Variants in NFIA observed in about 807,000 individuals in gnomAD.
The protein encoded by NFIA is nuclear factor 1 A-type.
Under a neutral mutation model 62.8 loss-of-function variants are expected in NFIA, and 8 were observed. The observed-to-expected ratio is 0.13, with a 90% CI of 0.07 to 0.23. The LOEUF (loss-of-function observed/expected upper bound fraction) is 0.23, where lower values mean the gene tolerates loss of function less well. Ranked by LOEUF, NFIA falls within the 10% of genes least tolerant of loss-of-function variation. The pLI is 1.00. For missense variants in NFIA, 410 were observed against 642.1 expected (o/e 0.64, Z 3.91); for synonymous variants, 235 against 238.1 (o/e 0.99, Z 0.12).
chr1:61,300,752 G>A (rs902632206), intron 3 of NFIA, among the ~76,000 whole-genome samples: 3 of 151,832 alleles, frequency 2.0e-5, no homozygotes, highest in Admixed American at 2.0e-4. Flanking sequence ...AGCTCGATAT[G>A]TATGTATGTG....
intron 2 of NFIA, among the ~76,000 whole-genome samples, chr1:61,089,918 C>T (rs1461844977): frequency 1.3e-5 from 2 of 152,112 alleles, no homozygotes; most frequent in Non-Finnish European, 2.9e-5. Context: ...AAGCATGTCA[C>T]ATCATCATTT....
intron 7 of NFIA, among the ~76,000 whole-genome samples, chr1:61,399,764 C>T (rs1160870299): frequency 6.6e-6 from 1 of 152,144 alleles, no homozygotes; most frequent in African/African-American, 2.4e-5. Context: ...TCATATGGCC[C>T]ACGCTTAGAT....
chr1:61,159,166 C>A (rs1421248903), intron 2 of NFIA, among the ~76,000 whole-genome samples: 1 of 151,738 alleles, frequency 6.6e-6, no homozygotes, highest in Non-Finnish European at 1.5e-5. Flanking sequence ...GTAATTTAAC[C>A]TAGTTTAATA....
At chr1:61,158,208 C>G (rs1290552355) in intron 2 of NFIA, among the ~76,000 whole-genome samples, 1 of 152,156 alleles carries the variant, frequency 6.6e-6, no homozygotes, top group Non-Finnish European at 1.5e-5. Context: ...TTCTGTTAAT[C>G]ACTTGATCAG....
intron 10 of NFIA, among the ~76,000 whole-genome samples, chr1:61,442,566 T>TAA (rs376261777): frequency 7.1e-6 from 1 of 140,502 alleles, no homozygotes. Flanking sequence ...CAGAGTTGCT[T>TAA]AAAAAAAAAA....
chr1:61,425,232 A>T (rs113589516), intron 9 of NFIA, among the ~76,000 whole-genome samples: 9 of 152,170 alleles, frequency 5.9e-5, no homozygotes, highest in Non-Finnish European at 8.8e-5. Context: ...TGGAAATTTT[A>T]TCCCTAGATT....
At chr1:61,256,801 T>C (rs72664881) in intron 2 of NFIA, among the ~76,000 whole-genome samples, 2,338 of 152,292 alleles carry the variant, frequency 0.015, 24 homozygotes, top group South Asian at 0.027. Flanking sequence ...CCTTGTATCA[T>C]TTATTTAGGA....
At chr1:61,144,134 G>A (rs1647746541) in intron 2 of NFIA, among the ~76,000 whole-genome samples, 2 of 152,224 alleles carry the variant, frequency 1.3e-5, no homozygotes, top group Admixed American at 6.5e-5. Context: ...TGATGTTGCA[G>A]ATTAATAGAT....
At chr1:61,207,602 A>G (rs1652980525) in intron 2 of NFIA, among the ~76,000 whole-genome samples, 1 of 152,092 alleles carries the variant, frequency 6.6e-6, no homozygotes, top group African/African-American at 2.4e-5. Context: ...TGTAGCTGTG[A>G]GCACTCATCT....
At chr1:61,357,221 G>A (rs760799637) in intron 5 of NFIA, among the ~76,000 whole-genome samples, 1 of 152,120 alleles carries the variant, frequency 6.6e-6, no homozygotes, top group Non-Finnish European at 1.5e-5. Context: ...CCCTTCTGGG[G>A]GTTATGTTCG....
intron 2 of NFIA, among the ~76,000 whole-genome samples, chr1:61,255,563 T>C (rs912062529): frequency 5.3e-5 from 8 of 152,190 alleles, no homozygotes; most frequent in African/African-American, 2.4e-5. Context: ...TCAGATCTTA[T>C]TGTGATGGGT....
At chr1:61,266,907 G>A (rs935068622) in intron 2 of NFIA, among the ~76,000 whole-genome samples, 1 of 152,138 alleles carries the variant, frequency 6.6e-6, no homozygotes, top group Non-Finnish European at 1.5e-5. Flanking sequence ...TAATTTACAA[G>A]GCACTGTAAA....
chr1:61,197,280 G>C (rs78378256), intron 2 of NFIA, among the ~76,000 whole-genome samples: 44,777 of 134,674 alleles, frequency 0.33, 8,299 homozygotes, highest in East Asian at 0.59. Flanking sequence ...TCTGTGTCAC[G>C]CAGGCTGGTG....
At chr1:61,141,908 A>G (rs529535213) in intron 2 of NFIA, among the ~76,000 whole-genome samples, 1 of 152,326 alleles carries the variant, frequency 6.6e-6, no homozygotes, top group East Asian at 1.9e-4. Context: ...AAATTGCCCA[A>G]TAATCTGCCC....
intron 6 of NFIA, among the ~76,000 whole-genome samples, chr1:61,374,443 G>A: frequency 6.6e-6 from 1 of 152,084 alleles, no homozygotes; most frequent in East Asian, 1.9e-4. Context: ...TGGGGTGTCT[G>A]TGTTTACCTT....
chr1:61,079,453 T>A (rs1207661185), upstream of NFIA, among the ~76,000 whole-genome samples: 2 of 152,220 alleles, frequency 1.3e-5, no homozygotes, highest in Non-Finnish European at 2.9e-5. Flanking sequence ...AGGTAACGTT[T>A]CTGCAAATAA....
chr1:61,203,892 C>T (rs542424562), intron 2 of NFIA, among the ~76,000 whole-genome samples: 16 of 152,296 alleles, frequency 1.1e-4, no homozygotes, highest in South Asian at 6.2e-4. Flanking sequence ...TCCCCAAGAT[C>T]GTGGCCAGTT....
intron 2 of NFIA, among the ~76,000 whole-genome samples, chr1:61,267,324 C>T (rs1457773904): frequency 6.6e-6 from 1 of 152,022 alleles, no homozygotes; most frequent in African/African-American, 2.4e-5. Flanking sequence ...GCCTGGCCAA[C>T]ATGGTGAAAC....
At chr1:61,164,110 A>G (rs950378483) in intron 2 of NFIA, among the ~76,000 whole-genome samples, 3 of 152,254 alleles carry the variant, frequency 2.0e-5, no homozygotes, top group Non-Finnish European at 2.9e-5. Context: ...TTTTTCTTAC[A>G]TAGCAGTGAG....
Sources: gnomAD v4.1 joint callset for allele counts (sites outside exome capture counted in the v4.1 genomes callset) on GRCh38, gnomAD v4.1.1 for gene constraint, MANE v1.5 for transcripts, NCBI Gene and HGNC (gene_info 2026-07-23, HGNC 2026-07-21) for gene names.